Variants in PPARGC1A observed in about 807,000 individuals in gnomAD.
PPARGC1A encodes the protein PPARG coactivator 1 alpha, also known as peroxisome proliferator-activated receptor gamma coactivator 1-alpha.
PPARGC1A carries 25 observed loss-of-function variants against 88.7 expected under a neutral mutation model. The ratio of observed to expected loss-of-function variants is 0.28; its 90% CI spans 0.21 to 0.39. The LOEUF (loss-of-function observed/expected upper bound fraction) is 0.39, where lower values mean the gene tolerates loss of function less well. Among genes scored for constraint, PPARGC1A ranks in the 10% least tolerant of loss-of-function variants. The pLI is 1.00. For synonymous variants in PPARGC1A, 363 were observed against 355.6 expected (o/e 1.02, Z -0.24); for missense variants, 880 against 968.7 (o/e 0.91, Z 1.22).
At chr4:23,816,080 T>C (rs1721934332) in intron 7 of PPARGC1A, among the ~76,000 whole-genome samples, 1 of 152,210 alleles carries the variant, frequency 6.6e-6, no homozygotes, top group African/African-American at 2.4e-5. Flanking sequence ...TTGGCAATTT[T>C]TATTATTCAA....
At chr4:23,897,838 G>A (rs1560534524) in intron 1 of PPARGC1A, among the ~76,000 whole-genome samples, 1 of 152,172 alleles carries the variant, frequency 6.6e-6, no homozygotes, top group Non-Finnish European at 1.5e-5. Flanking sequence ...GCTGTCCAGA[G>A]AAACAGTGGG....
the PPARGC1A span, among the ~76,000 whole-genome samples, chr4:24,390,182 T>C: frequency 4.3e-3 from 654 of 152,134 alleles, 11 homozygotes; most frequent in African/African-American, 0.015. Flanking sequence ...CCCAGACAAG[T>C]CTAGGTTTCC....
chr4:24,096,800 C>T, the PPARGC1A span, among the ~76,000 whole-genome samples: 2 of 152,102 alleles, frequency 1.3e-5, no homozygotes, highest in African/African-American at 4.8e-5. Context: ...TAAGAATATG[C>T]TGACTAATAA....
At chr4:24,335,013 T>C in the PPARGC1A span, among the ~76,000 whole-genome samples, 1 of 152,234 alleles carries the variant, frequency 6.6e-6, no homozygotes, top group Non-Finnish European at 1.5e-5. Flanking sequence ...GGTTTCCATA[T>C]TGTATTCCAC....
the PPARGC1A span, among the ~76,000 whole-genome samples, chr4:24,407,397 C>A: frequency 6.6e-6 from 1 of 152,180 alleles, no homozygotes; most frequent in Non-Finnish European, 1.5e-5. Context: ...GCAGGCCACA[C>A]CCTGCTGACC....
chr4:24,004,322 G>T, the PPARGC1A span, among the ~76,000 whole-genome samples: 1 of 152,166 alleles, frequency 6.6e-6, no homozygotes, highest in Non-Finnish European at 1.5e-5. Flanking sequence ...AAAAGAAGTG[G>T]CATGAATGAA....
chr4:23,964,365 T>C, the PPARGC1A span, among the ~76,000 whole-genome samples: 3 of 152,144 alleles, frequency 2.0e-5, no homozygotes, highest in Non-Finnish European at 4.4e-5. Context: ...GAAATGGAGA[T>C]TGATTTAAAA....
At chr4:24,205,101 A>C in the PPARGC1A span, among the ~76,000 whole-genome samples, 1 of 152,224 alleles carries the variant, frequency 6.6e-6, no homozygotes, top group Non-Finnish European at 1.5e-5. Flanking sequence ...CTGGGATTAC[A>C]GGCATGAGCC....
chr4:24,019,428 A>T, the PPARGC1A span, among the ~76,000 whole-genome samples: 3 of 152,238 alleles, frequency 2.0e-5, no homozygotes, highest in African/African-American at 4.8e-5. Context: ...CTTAGGAAGT[A>T]CTATTTCTAG....
At chr4:24,286,409 C>A in the PPARGC1A span, among the ~76,000 whole-genome samples, 3 of 152,168 alleles carry the variant, frequency 2.0e-5, no homozygotes, top group East Asian at 5.8e-4. Context: ...ACTAAGATAT[C>A]ATTAAGTGTC....
chr4:24,443,394 C>T, the PPARGC1A span, among the ~76,000 whole-genome samples: 4 of 151,952 alleles, frequency 2.6e-5, no homozygotes, highest in East Asian at 1.9e-4. Flanking sequence ...CAGGAAACAG[C>T]TCATCTGGCT....
chr4:24,135,680 C>G, the PPARGC1A span, among the ~76,000 whole-genome samples: 7 of 152,276 alleles, frequency 4.6e-5, no homozygotes, highest in East Asian at 1.2e-3. Flanking sequence ...TGAGCAAAAA[C>G]TCATCTGTTA....
At chr4:24,294,616 G>T in the PPARGC1A span, among the ~76,000 whole-genome samples, 1 of 152,078 alleles carries the variant, frequency 6.6e-6, no homozygotes, top group Admixed American at 6.6e-5. Context: ...GTTTGCTGTG[G>T]GTAAAGAATT....
the PPARGC1A span, among the ~76,000 whole-genome samples, chr4:24,103,554 C>T: frequency 0.024 from 3,052 of 127,508 alleles, 56 homozygotes; most frequent in Middle Eastern, 0.056. Context: ...TGAGTACTCA[C>T]AAAGTTGTTT....
At chr4:24,037,085 C>T in the PPARGC1A span, among the ~76,000 whole-genome samples, 2 of 152,198 alleles carry the variant, frequency 1.3e-5, no homozygotes, top group Non-Finnish European at 1.5e-5. Flanking sequence ...GGGAGTCCTG[C>T]TAAGCAGTTC....
the PPARGC1A span, among the ~76,000 whole-genome samples, chr4:24,179,118 C>T: frequency 6.6e-6 from 1 of 152,086 alleles, no homozygotes; most frequent in African/African-American, 2.4e-5. Context: ...GTAGAGTAAT[C>T]TGTGACTGGT....
At chr4:23,945,880 A>G in the PPARGC1A span, among the ~76,000 whole-genome samples, 3 of 152,186 alleles carry the variant, frequency 2.0e-5, no homozygotes, top group African/African-American at 7.2e-5. Context: ...TGTATTTCCA[A>G]TGCCAGTGAC....
chr4:24,351,330 G>A, the PPARGC1A span, among the ~76,000 whole-genome samples: 91 of 150,974 alleles, frequency 6.0e-4, no homozygotes, highest in South Asian at 1.5e-3. Context: ...CTGAGAGGTT[G>A]AGGCTGCAGT....
the PPARGC1A span, among the ~76,000 whole-genome samples, chr4:24,387,930 GAA>G: frequency 9.8e-3 from 235 of 23,900 alleles, 6 homozygotes; most frequent in Middle Eastern, 0.11. Context: ...AAGAAAGAAA[GAA>G]AGAGAAAGAA....
Sources: gnomAD v4.1 joint callset for allele counts (sites outside exome capture counted in the v4.1 genomes callset) on GRCh38, gnomAD v4.1.1 for gene constraint, MANE v1.5 for transcripts, NCBI Gene and HGNC (gene_info 2026-07-23, HGNC 2026-07-21) for gene names.